The following SCAND3 variants were observed in gnomAD, a reference collection of about 807,000 sequenced individuals.
SCAND3 encodes the protein SCAN domain-containing protein 3.
At chr6:28,575,468 T>C in the SCAND3 span, 1 of 1,613,802 alleles carries the variant, frequency 6.2e-7, no homozygotes, top group Non-Finnish European at 8.5e-7. The surrounding 1 kb of genome is among the most constrained non-coding windows in gnomAD (Gnocchi z 4.2). Context: ...TCCGTAGGCC[T>C]TTTAGACTTT....
the SCAND3 span, among the ~76,000 whole-genome samples, chr6:28,585,828 C>T: frequency 6.6e-6 from 1 of 151,980 alleles, no homozygotes; most frequent in Admixed American, 6.6e-5. Flanking sequence ...ATTTTGAGCT[C>T]AAAACATTTT....
the SCAND3 span, chr6:28,574,512 C>T: frequency 1.1e-3 from 867 of 768,156 alleles, 4 homozygotes; most frequent in African/African-American, 0.011. Context: ...AGTAATTAGG[C>T]CTTCTTTGGG....
the SCAND3 span, chr6:28,572,710 C>T: frequency 8.1e-6 from 13 of 1,613,912 alleles, no homozygotes; most frequent in Middle Eastern, 1.6e-4. This position sits in a 1 kb window ranked among gnomAD's most constrained non-coding sequence, Gnocchi z 4.1. Context: ...TGATAACCAC[C>T]GTATCTCAGC....
chr6:28,597,099 A>T, the SCAND3 span, among the ~76,000 whole-genome samples: 1 of 152,202 alleles, frequency 6.6e-6, no homozygotes, highest in East Asian at 1.9e-4. Flanking sequence ...GGAAAAGTAA[A>T]CACTACCCAA....
chr6:28,602,956 A>AATTT, the SCAND3 span, among the ~76,000 whole-genome samples: 5 of 94,458 alleles, frequency 5.3e-5, no homozygotes, highest in African/African-American at 2.0e-4. Flanking sequence ...CCAAAAAAAA[A>AATTT]TTTTTTTTTT....
the SCAND3 span, among the ~76,000 whole-genome samples, chr6:28,614,930 A>T: frequency 6.6e-6 from 1 of 152,254 alleles, no homozygotes; most frequent in Non-Finnish European, 1.5e-5. Flanking sequence ...ATTTTAAAAC[A>T]ATATGTTCAA....
the SCAND3 span, among the ~76,000 whole-genome samples, chr6:28,609,325 A>G: frequency 6.6e-6 from 1 of 152,342 alleles, no homozygotes; most frequent in Non-Finnish European, 1.5e-5. Context: ...TAACATAAAC[A>G]TATACACTCA....
At chr6:28,615,600 CA>C in the SCAND3 span, among the ~76,000 whole-genome samples, 94,325 of 115,536 alleles carry the variant, frequency 0.82, 37,673 homozygotes, top group Middle Eastern at 0.88. Context: ...GACTCCATCT[CA>C]AAAAAAAAAA....
At chr6:28,586,745 T>C in the SCAND3 span, 632 of 1,590,448 alleles carry the variant, frequency 4.0e-4, 9 homozygotes, top group South Asian at 5.4e-3. This position sits in a 1 kb window ranked among gnomAD's most constrained non-coding sequence, Gnocchi z 4.4. Flanking sequence ...CAGGCAAAGG[T>C]TCTCTCCAGT....
At chr6:28,608,131 G>A in the SCAND3 span, among the ~76,000 whole-genome samples, 2 of 152,152 alleles carry the variant, frequency 1.3e-5, no homozygotes, top group African/African-American at 4.8e-5. Context: ...AGTTAAGCCC[G>A]CTCCCACTAG....
At chr6:28,590,089 A>G in the SCAND3 span, 1 of 152,124 alleles carries the variant, frequency 6.6e-6, no homozygotes, top group South Asian at 2.1e-4. Context: ...AGCCGGAGAG[A>G]AAAACTCACC....
At chr6:28,603,605 G>A in the SCAND3 span, among the ~76,000 whole-genome samples, 1 of 149,912 alleles carries the variant, frequency 6.7e-6, no homozygotes, top group Non-Finnish European at 1.5e-5. Context: ...AATTTTCCAG[G>A]TATATTATAT....
the SCAND3 span, among the ~76,000 whole-genome samples, chr6:28,602,296 G>A: frequency 9.3e-4 from 142 of 152,158 alleles, no homozygotes; most frequent in African/African-American, 2.5e-3. Flanking sequence ...TGAAACCTTG[G>A]CCTCCCGGGT....
chr6:28,589,966 C>T, the SCAND3 span: 3 of 150,208 alleles, frequency 2.0e-5, no homozygotes, highest in Non-Finnish European at 4.4e-5. Flanking sequence ...TTTCTCTAGT[C>T]CCCTGTACTT....
At chr6:28,573,734 T>C in the SCAND3 span, 1 of 1,605,192 alleles carries the variant, frequency 6.2e-7, no homozygotes, top group Middle Eastern at 1.7e-4. Context: ...TCAGGATAAC[T>C]TCTATTGTTA....
the SCAND3 span, among the ~76,000 whole-genome samples, chr6:28,605,461 T>C: frequency 2.6e-5 from 4 of 152,090 alleles, no homozygotes; most frequent in African/African-American, 9.7e-5. Context: ...AGATTATCTA[T>C]TTAGTATTCC....
At chr6:28,587,276 TC>T in the SCAND3 span, 1 of 152,720 alleles carries the variant, frequency 6.5e-6, no homozygotes, top group African/African-American at 2.4e-5. Flanking sequence ...AGGTGGAGGT[TC>T]CGCAGACACA....
chr6:28,608,166 T>A, the SCAND3 span, among the ~76,000 whole-genome samples: 1 of 152,224 alleles, frequency 6.6e-6, no homozygotes, highest in African/African-American at 2.4e-5. Context: ...GTTAAAGATA[T>A]GCTATTTGAG....
chr6:28,574,890 A>G, the SCAND3 span: 1 of 1,614,066 alleles, frequency 6.2e-7, no homozygotes, highest in Non-Finnish European at 8.5e-7. Flanking sequence ...CTTTTTCACA[A>G]ACTACACAGG....
Sources: allele counts gnomAD v4.1 joint callset (sites outside exome capture counted in the v4.1 genomes callset), GRCh38; gene constraint gnomAD v4.1.1; non-coding constraint Gnocchi (gnomAD v3.1); transcripts MANE v1.5; gene names NCBI Gene and HGNC (gene_info 2026-07-23, HGNC 2026-07-21).